Variants in ZNF678 observed in about 807,000 individuals in gnomAD.
The protein encoded by ZNF678 is zinc finger protein 678.
In ZNF678, 5 loss-of-function variants were observed where a neutral mutation model predicts 3.0. The ratio of observed to expected loss-of-function variants is 1.69; its 90% CI spans 0.88 to 3.56. ZNF678 has a LOEUF of 3.56. ZNF678 is among the 30% of genes most tolerant of loss of function. ZNF678 has a pLI of 0.00. For missense variants in ZNF678, 593 were observed against 605.0 expected (o/e 0.98, Z 0.21); for synonymous variants, 218 against 199.6 (o/e 1.09, Z -0.78).
chr1:227,675,367 T>C (rs898226224), intron 5 of ZNF678, among the ~76,000 whole-genome samples: 1 of 152,194 alleles, frequency 6.6e-6, no homozygotes, highest in African/African-American at 2.4e-5. Context: ...AAAGTTAATT[T>C]CTATTGTTTA....
At chr1:227,654,182 G>A (rs1176544762) in intron 3 of ZNF678, among the ~76,000 whole-genome samples, 154 bp from the exon 4 acceptor site, 1 of 151,840 alleles carries the variant, frequency 6.6e-6, no homozygotes, top group East Asian at 1.9e-4. Context: ...GTATATTTTT[G>A]TTAAGTTTAT....
At chr1:227,569,520 T>G (rs1398015172) in intron 1 of ZNF678, among the ~76,000 whole-genome samples, 1 of 152,230 alleles carries the variant, frequency 6.6e-6, no homozygotes, top group Non-Finnish European at 1.5e-5. Flanking sequence ...GAATAGATCT[T>G]TCACCACATT....
At position 227,638,583 on chromosome 1, in the gene ZNF678, A is replaced by G. The variant is rs1161809487; in HGVS notation, c.-163-7961A>G. Among the ~76,000 whole-genome samples the G allele has an allele frequency of 1.3e-5, 2 of 152,128 alleles. No homozygotes were observed. The highest frequency in any genetic ancestry group is 2.9e-5 in the Non-Finnish European group (2 of 68,008). On this transcript the variant is annotated intron_variant, in intron 1 of 3. Transcript: ENST00000343776. The surrounding 1 kb of genome is among the most constrained non-coding windows in gnomAD (Gnocchi z 4.2). The stretch of plus-strand genomic sequence containing the variant: ...GCGGGGTTGACTACAGATGGGGGAT[A>G]AGGAAAAGTTGCATGTTTTAAGGTG...
chr1:227,650,383 C>A (rs1428228059), intron 2 of ZNF678, among the ~76,000 whole-genome samples: 2 of 152,034 alleles, frequency 1.3e-5, no homozygotes, highest in Admixed American at 1.3e-4. Flanking sequence ...TTGTTCCATC[C>A]TACTCTTATT....
In ZNF678 at chr1:227,646,539, C is replaced by T. The variant is rs765916603; in HGVS notation, c.-163-5C>T. 4.4e-6 allele frequency: 6 copies of T among 1,370,324 alleles called. No homozygotes were observed. The highest frequency in any genetic ancestry group is 9.1e-5 in the East Asian group (2 of 22,058). The allele number at this position is 1,370,324 out of a possible 1,614,324, so 84.9% of individuals were successfully genotyped here. ...TAAATACGTGTGTATTTTTCCCCCCCCCAGGGACTACTGGCATTCAGTGAT... is the reference window on the plus strand; with the variant it reads ...TAAATACGTGTGTATTTTTCCCCCCTCCAGGGACTACTGGCATTCAGTGAT... On this transcript the variant is annotated splice_region_variant and splice_polypyrimidine_tract_variant and intron_variant, in intron 1 of 3. Transcript: ENST00000343776.
At chr1:227,653,699 T>C (rs1039009335) in intron 3 of ZNF678, among the ~76,000 whole-genome samples, 9 of 152,116 alleles carry the variant, frequency 5.9e-5, no homozygotes, top group South Asian at 4.1e-4. Flanking sequence ...TGGAATTGTG[T>C]GTTTACTGTT....
At position 227,588,756 on chromosome 1, in the gene ZNF678, C is replaced by T. The variant is rs142764995; in HGVS notation, c.-164+25032C>T. On this transcript the variant is annotated intron_variant, in intron 1 of 3. Coordinates refer to ENST00000343776, the MANE Select transcript of ZNF678 (RefSeq NM_001367909.1). The stretch of plus-strand genomic sequence containing the variant: ...CTGGCCTCAAGTGATCCACCTGCCT[C>T]GGCCTCCCAAAGTGCTGGGATTACA... Among the ~76,000 whole-genome samples the T allele has an allele frequency of 8.0e-4, 122 of 152,178 alleles. 1 individual carries two copies. The Middle Eastern group carries it at 0.014, about 17-fold the overall frequency.
At chr1:227,637,959 A>T (rs1392265836) in intron 1 of ZNF678, among the ~76,000 whole-genome samples, 1 of 152,110 alleles carries the variant, frequency 6.6e-6, no homozygotes, top group Non-Finnish European at 1.5e-5. Context: ...TCTGTCAAGA[A>T]GTTTAAAAGA....
At chr1:227,627,943 A>C (rs1193234341) in intron 1 of ZNF678, among the ~76,000 whole-genome samples, 3 of 152,252 alleles carry the variant, frequency 2.0e-5, no homozygotes, top group Non-Finnish European at 4.4e-5. Flanking sequence ...GTTATGTTCT[A>C]TCTTTTCTTC....
At chr1:227,631,065 A>G (rs1315206604) in intron 1 of ZNF678, among the ~76,000 whole-genome samples, 8 of 152,114 alleles carry the variant, frequency 5.3e-5, no homozygotes, top group African/African-American at 1.9e-4. Context: ...TTTCTTTCTT[A>G]GCGTCTGAGG....
chr1:227,667,888 CTAATT>C (rs1659536102), intron 5 of ZNF678, among the ~76,000 whole-genome samples: 1 of 152,118 alleles, frequency 6.6e-6, no homozygotes, highest in Non-Finnish European at 1.5e-5. Context: ...AAAAGGATAT[CTAATT>C]TATTGAGAAA....
rs367926735 is a variant in ZNF678, at chr1:227,585,431, C to T, written c.-164+21707C>T. Among the ~76,000 whole-genome samples the T allele has an allele frequency of 5.3e-5, 8 of 152,176 alleles. No homozygotes were observed. In the South Asian group the frequency reaches 1.7e-3, roughly 32 times the overall value. Reference sequence around the variant, plus strand: ...TAATTTTGTGGAGAAATCAGGCAAACTGAGAAAGTATACATTAAACAGAAA... The same window carrying T: ...TAATTTTGTGGAGAAATCAGGCAAATTGAGAAAGTATACATTAAACAGAAA... On this transcript the variant is annotated intron_variant, in intron 1 of 3. Coordinates refer to ENST00000343776, the MANE Select transcript of ZNF678 (RefSeq NM_001367909.1).
downstream of ZNF678, among the ~76,000 whole-genome samples, chr1:227,663,593 G>A (rs142753474): frequency 5.4e-3 from 827 of 152,320 alleles, 8 homozygotes; most frequent in Middle Eastern, 0.017. Context: ...TGCTATAAGA[G>A]ATACCTGGGT....
chr1:227,647,243 G>A (rs1375875176), intron 2 of ZNF678, among the ~76,000 whole-genome samples: 1 of 152,154 alleles, frequency 6.6e-6, no homozygotes, highest in Non-Finnish European at 1.5e-5. Flanking sequence ...GGCAACAAAA[G>A]CAAAACTCCG....
chr1:227,669,176 G>C (rs562702511), intron 5 of ZNF678, among the ~76,000 whole-genome samples: 3 of 150,080 alleles, frequency 2.0e-5, no homozygotes, highest in Non-Finnish European at 4.4e-5. Flanking sequence ...ATCCAACAAA[G>C]GTCTAATACC....
chr1:227,640,913 A>G (rs1201228186), intron 1 of ZNF678, among the ~76,000 whole-genome samples: 6 of 152,162 alleles, frequency 3.9e-5, no homozygotes, highest in African/African-American at 1.2e-4. Context: ...TTCCTCCCCA[A>G]ACGGAATCAA....
At chr1:227,640,921 C>G (rs1356303530) in intron 1 of ZNF678, among the ~76,000 whole-genome samples, 1 of 152,212 alleles carries the variant, frequency 6.6e-6, no homozygotes, top group Non-Finnish European at 1.5e-5. Context: ...CAAACGGAAT[C>G]AAATGGCTTG....
intron 5 of ZNF678, among the ~76,000 whole-genome samples, chr1:227,672,361 G>T (rs1311275397): frequency 6.6e-6 from 1 of 152,080 alleles, no homozygotes; most frequent in Non-Finnish European, 1.5e-5. Context: ...AATTTTCAGG[G>T]CAGGGAAGAC....
intron 1 of ZNF678, among the ~76,000 whole-genome samples, chr1:227,590,995 C>T (rs1028314002): frequency 2.6e-5 from 4 of 151,728 alleles, no homozygotes; most frequent in Admixed American, 6.6e-5. Context: ...TACTAATTCT[C>T]GGGCTTCCTA....
Sources: allele counts gnomAD v4.1 joint callset (sites outside exome capture counted in the v4.1 genomes callset), GRCh38; gene constraint gnomAD v4.1.1; non-coding constraint Gnocchi (gnomAD v3.1); transcripts MANE v1.5; gene names NCBI Gene and HGNC (gene_info 2026-07-23, HGNC 2026-07-21).